GIT2: variants seen among roughly 807,000 people sequenced by gnomAD.
GIT2 encodes ARF GTPase-activating protein GIT2.
A neutral mutation model predicts 100.3 loss-of-function variants in GIT2; 32 were observed. The ratio of observed to expected loss-of-function variants is 0.32; its 90% CI spans 0.24 to 0.43. The LOEUF (loss-of-function observed/expected upper bound fraction) is 0.43. Among genes scored for constraint, GIT2 ranks in the 20% least tolerant of loss-of-function variants. The pLI is 1.00. For missense variants in GIT2, 737 were observed against 975.1 expected, an observed-to-expected ratio of 0.76 and a Z score of 3.25; for synonymous variants, 353 against 364.1, an observed-to-expected ratio of 0.97 and a Z score of 0.35.
chr12:109,959,758 A>T, intron 12 of GIT2, 89 bp downstream of exon 12: 1 of 768,482 alleles, frequency 1.3e-6, no homozygotes. Flanking sequence ...TGTCATGTTG[A>T]TGACTGCTTT....
Position 109,939,199 on chromosome 12 carries a change from T to C in GIT2, c.1780A>G (p.Asn594Asp). 2 of 1,611,650 alleles carry C rather than the reference T, an allele frequency of 1.2e-6. No homozygotes were observed. Among genetic ancestry groups the C allele is most frequent in the Non-Finnish European group, 1.7e-6 (2 of 1,177,912 alleles). Reference protein sequence around the residue: ...QNSTPESDYDNTPNDMEPDGM... With the variant: ...QNSTPESDYDDTPNDMEPDGM... Reference sequence around the variant, plus strand: ...TCTGGCTCCATGTCGTTGGGAGTGTTGTCGTAGTCACTCTCAGGTGTGCTG... The same window carrying C: ...TCTGGCTCCATGTCGTTGGGAGTGTCGTCGTAGTCACTCTCAGGTGTGCTG... The change falls in exon 17 of 20, where the codon AAC (asparagine) becomes GAC (aspartate). Residue 594 changes from asparagine (N) to aspartate (D), a missense_variant. Around this residue, in one of 3 missense-constraint regions of GIT2, gnomAD observed 451 missense variants for 543.7 expected, o/e 0.83. Transcript: ENST00000355312.
chr12:109,935,080 A>G (rs1323115588), intron 18 of GIT2, among the ~76,000 whole-genome samples: 2 of 151,692 alleles, frequency 1.3e-5, no homozygotes, highest in African/African-American at 4.8e-5. Flanking sequence ...TTCCGTCTAA[A>G]AAAAAAAAAA....
chr12:109,999,510 C>G (rs1251843226), upstream of GIT2: 2 of 325,508 alleles, frequency 6.1e-6, no homozygotes, highest in African/African-American at 2.2e-5. The surrounding 1 kb of genome is among the most constrained non-coding windows in gnomAD (Gnocchi z 4.3). Flanking sequence ...GTCCCTGAGC[C>G]GGCCGGCGAC....
At chr12:109,981,197 G>C (rs969317648) in intron 6 of GIT2, 151 bp from the exon 7 acceptor site, 4 of 629,412 alleles carry the variant, frequency 6.4e-6, no homozygotes, top group African/African-American at 5.4e-5. Flanking sequence ...GATTTCTGAA[G>C]TCTACTTTGC....
rs868118831 is a variant in GIT2, at chr12:109,962,673, G to A, written c.817-988C>T. On this transcript the variant is annotated intron_variant, in intron 9 of 19. Coordinates refer to ENST00000355312, the MANE Select transcript of GIT2 (RefSeq NM_057169.5). The surrounding 1 kb of genome is among the most constrained non-coding windows in gnomAD (Gnocchi z 4.3). ...TCTGCCTCATGCAACACCTTGACACGTGGTAGTTGTGACTCTTAAACTGTC... is the reference window on the plus strand; with the variant it reads ...TCTGCCTCATGCAACACCTTGACACATGGTAGTTGTGACTCTTAAACTGTC... Among the ~76,000 whole-genome samples, 1 of 152,222 alleles carries A rather than the reference G, an allele frequency of 6.6e-6. No homozygotes were observed. Among genetic ancestry groups the A allele is most frequent in the African/African-American group, 2.4e-5 (1 of 41,460 alleles).
In GIT2 at chr12:109,962,984, T is replaced by A. The variant is rs541590833; in HGVS notation, c.817-1299A>T. On this transcript the variant is annotated intron_variant, in intron 9 of 19. Transcript: ENST00000355312. The surrounding 1 kb of genome is among the most constrained non-coding windows in gnomAD (Gnocchi z 4.3). The stretch of plus-strand genomic sequence containing the variant: ...TGGCACCACTGCACGCCAGCCTGGG[T>A]GACGGAGTGAGACCTTGTCTCGAAA... Among the ~76,000 whole-genome samples, 6 of 152,080 alleles carry A rather than the reference T, an allele frequency of 3.9e-5. No homozygotes were observed. The highest frequency in any genetic ancestry group is 1.3e-4 in the Admixed American group (2 of 15,284).
chr12:109,963,840 G>C (rs1275547160), intron 9 of GIT2, among the ~76,000 whole-genome samples: 1 of 152,176 alleles, frequency 6.6e-6, no homozygotes, highest in East Asian at 1.9e-4. Context: ...ACTCTGAGCA[G>C]TTCTGGCCGG....
chr12:109,939,326 G>C, intron 16 of GIT2, 79 bp from the exon 17 acceptor site: 1 of 833,094 alleles, frequency 1.2e-6, no homozygotes, highest in Non-Finnish European at 2.1e-6. Flanking sequence ...ATTGTTACCT[G>C]TTAGGCTACT....
Position 109,947,145 on chromosome 12 carries a change from C to G in GIT2, c.1641+111G>C. ...ATACAGCAAACACAATGGTAACTCT[C>G]TTAGTCCAATTTGGCAAAGCAGAGC... On this transcript the variant is annotated intron_variant, in intron 15 of 19. Transcript: ENST00000355312. This position sits in a 1 kb window ranked among gnomAD's most constrained non-coding sequence, Gnocchi z 4.3. 1.0e-6 allele frequency: 1 copy of G among 978,528 alleles called. No individual in the cohort carries two copies. The highest frequency in any genetic ancestry group is 1.6e-6 in the Non-Finnish European group (1 of 642,718). 60.6% of individuals were successfully genotyped at this position (978,528 alleles called of 1,614,324 possible). A position where few individuals can be genotyped will look rare whatever the true frequency, so the allele number is the denominator to read the frequency against.
intron 16 of GIT2, chr12:109,943,104 A>T (rs1367183808): frequency 6.6e-6 from 1 of 152,236 alleles, no homozygotes; most frequent in Non-Finnish European, 1.5e-5. Flanking sequence ...AGGAACAATC[A>T]GGGTGATCAG....
chr12:109,938,252 T>C (rs1157884438), intron 18 of GIT2, 128 bp downstream of exon 18: 7 of 646,932 alleles, frequency 1.1e-5, no homozygotes, highest in Non-Finnish European at 1.9e-5. Context: ...AAGCCTGTTA[T>C]GTAGACTTGT....
intron 18 of GIT2, among the ~76,000 whole-genome samples, chr12:109,935,974 T>C (rs1159292079): frequency 6.6e-6 from 1 of 152,116 alleles, no homozygotes; most frequent in Non-Finnish European, 1.5e-5. Context: ...AATCCCTGAA[T>C]TGTATGTGTG....
At chr12:109,941,813 AC>A (rs1405692412) in intron 16 of GIT2, among the ~76,000 whole-genome samples, 2 of 147,678 alleles carry the variant, frequency 1.4e-5, no homozygotes, top group Non-Finnish European at 3.0e-5. Flanking sequence ...GAGCCACCGC[AC>A]CCTGCCAATT....
rs1593038235 is a variant in GIT2, at chr12:109,961,251, T to G, written c.987+27A>C. On this transcript the variant is annotated intron_variant, in intron 11 of 19. Transcript: ENST00000355312. Reference sequence around the variant, plus strand: ...ATGACATCAGCCATTCCCCAACTACTATTCCTTTCCAAACTGAGCCACTTG... The same window carrying G: ...ATGACATCAGCCATTCCCCAACTACGATTCCTTTCCAAACTGAGCCACTTG... The G allele has an allele frequency of 1.3e-5, 17 of 1,265,826 alleles. No homozygotes were observed. In the East Asian group the frequency reaches 3.9e-4, roughly 29 times the overall value. 78.4% of individuals were successfully genotyped at this position (1,265,826 alleles called of 1,614,324 possible). A position where few individuals can be genotyped will look rare whatever the true frequency, so the allele number is the denominator to read the frequency against.
chr12:109,960,411 G>A (rs1307683055), intron 11 of GIT2, among the ~76,000 whole-genome samples: 1 of 151,930 alleles, frequency 6.6e-6, no homozygotes. Context: ...ATCACTTGAG[G>A]TCAGGACTTT....
intron 16 of GIT2, among the ~76,000 whole-genome samples, chr12:109,941,889 A>G (rs1874844175): frequency 6.6e-6 from 1 of 151,658 alleles, no homozygotes; most frequent in Non-Finnish European, 1.5e-5. Context: ...CAGTGGTACA[A>G]TCTCGGCTCA....
intron 17 of GIT2, 109 bp from the exon 18 acceptor site, chr12:109,938,677 C>G (rs1172461950): frequency 1.3e-6 from 1 of 742,240 alleles, no homozygotes; most frequent in Non-Finnish European, 2.2e-6. Context: ...AGGCTGGTCT[C>G]GTCATTTCCT....
At chr12:109,939,007 A>G (rs551303566) in intron 17 of GIT2, 158 bp downstream of exon 17, 5 of 627,268 alleles carry the variant, frequency 8.0e-6, no homozygotes, top group Non-Finnish European at 1.4e-5. Flanking sequence ...ATGACAAGAC[A>G]TGTAAACTAC....
rs1565928673 is a variant in GIT2 at position 109,934,686 on chromosome 12, C to G, written c.2004-601G>C. Among the ~76,000 whole-genome samples the G allele has an allele frequency of 6.6e-6, 1 of 152,164 alleles. No homozygotes were observed. The highest frequency in any genetic ancestry group is 1.5e-5 in the Non-Finnish European group (1 of 68,032). ...TGAGCCACGGTGTCCAGCCCTTTCC[C>G]CATTTTTTAAACCATGAAGTTGGCT... On this transcript the variant is annotated intron_variant, in intron 18 of 19. Coordinates refer to ENST00000355312, the MANE Select transcript of GIT2 (RefSeq NM_057169.5). This position sits in a 1 kb window ranked among gnomAD's most constrained non-coding sequence, Gnocchi z 4.5.
Sources: allele counts gnomAD v4.1 joint callset (sites outside exome capture counted in the v4.1 genomes callset), GRCh38; gene constraint gnomAD v4.1.1; regional missense constraint gnomAD v4.1.1; non-coding constraint Gnocchi (gnomAD v3.1); transcripts MANE v1.5; gene names NCBI Gene and HGNC (gene_info 2026-07-23, HGNC 2026-07-21).